ARHGEF7: variants seen among roughly 807,000 people sequenced by gnomAD.
ARHGEF7 encodes the protein PAK-interacting exchange factor beta.
Under a neutral mutation model 109.8 loss-of-function variants are expected in ARHGEF7, and 33 were observed. The observed-to-expected ratio is 0.30, with a 90% CI of 0.23 to 0.40. The LOEUF (loss-of-function observed/expected upper bound fraction) is 0.40. Among genes scored for constraint, ARHGEF7 ranks in the 10% least tolerant of loss-of-function variants. The pLI is 1.00. For missense variants in ARHGEF7, 938 were observed against 1,098.5 expected, an observed-to-expected ratio of 0.85 and a Z score of 2.07; for synonymous variants, 458 against 424.6, an observed-to-expected ratio of 1.08 and a Z score of -0.97.
At chr13:111,199,934 C>T (rs1377391907) in intron 2 of ARHGEF7, among the ~76,000 whole-genome samples, 2 of 152,154 alleles carry the variant, frequency 1.3e-5, no homozygotes, top group Non-Finnish European at 2.9e-5. Flanking sequence ...CATGGGCTCA[C>T]CCCTCTTCCT....
Position 111,205,335 on chromosome 13 carries a change from T to C in ARHGEF7, c.299T>C (p.Val100Ala), listed in dbSNP as rs1425453043. Residue 100 changes from valine to alanine, a missense_variant, in exon 3 of 22, where the codon GTC becomes GCC. By Grantham distance (64) the Val-to-Ala change is moderately conservative. Around this residue, in one of 4 missense-constraint regions of ARHGEF7, gnomAD observed 585 missense variants for 723.6 expected, o/e 0.81. Transcript: ENST00000646102. The stretch of plus-strand genomic sequence containing the variant: ...TATCAGGGGCAGAATTTTAACAAGG[T>C]CCTCAGTTCCTTAGTGACTCTAAAT... ...DLYQGQNFNK[V>A]LSSLVTLNKV... 1 of 1,601,360 alleles carries C rather than the reference T, an allele frequency of 6.2e-7. No homozygotes were observed. Among genetic ancestry groups the C allele is most frequent in the Non-Finnish European group, 8.5e-7 (1 of 1,177,142 alleles).
rs145269232 is a variant in ARHGEF7 at position 111,273,077 on chromosome 13, A to C, written c.1074-737A>C. Among the ~76,000 whole-genome samples the C allele has an allele frequency of 1.3e-5, 2 of 152,192 alleles. No homozygotes were observed. The highest frequency in any genetic ancestry group is 4.8e-5 in the African/African-American group (2 of 41,448). ...CTGACTCTTTAATTTTGGGATATGC[A>C]CTGTTTCTATGTCCATACACAGGGA... On this transcript the variant is annotated intron_variant, in intron 9 of 21. Coordinates refer to ENST00000646102, the MANE Select transcript of ARHGEF7 (RefSeq NM_001354046.2). This position sits in a 1 kb window ranked among gnomAD's most constrained non-coding sequence, Gnocchi z 4.5.
At chr13:111,141,194 G>A (rs1259413308) in intron 1 of ARHGEF7, among the ~76,000 whole-genome samples, 1 of 152,106 alleles carries the variant, frequency 6.6e-6, no homozygotes, top group Non-Finnish European at 1.5e-5. Flanking sequence ...AGGGTTCACT[G>A]TGTGTTGTAT....
At position 111,209,944 on chromosome 13, in the gene ARHGEF7, G is replaced by A; in HGVS notation, c.410G>A (p.Gly137Glu). The change falls in exon 4 of 22, where the codon GGA becomes GAA. Residue 137 changes from glycine (G) to glutamate (E), a missense_variant. Coordinates refer to ENST00000646102, the MANE Select transcript of ARHGEF7 (RefSeq NM_001354046.2). ...SHRIKSFDSL[G>E]SQSLHTRTSK... ...CGCATAAAGTCTTTTGACTCCCTTG[G>A]ATCACAGTCTTTGCACACTCGGACT... 1.2e-6 allele frequency: 2 copies of A among 1,614,180 alleles called. No individual in the cohort carries two copies. Among genetic ancestry groups the A allele is most frequent in the South Asian group, 2.2e-5 (2 of 91,082 alleles).
At chr13:111,282,697 G>A (rs1416141675) in intron 15 of ARHGEF7, 6 of 186,268 alleles carry the variant, frequency 3.2e-5, no homozygotes. Context: ...CCTTAGTTTC[G>A]CCCAGTACTT....
At chr13:111,195,270 A>G (rs1467842599) in intron 2 of ARHGEF7, among the ~76,000 whole-genome samples, 1 of 152,178 alleles carries the variant, frequency 6.6e-6, no homozygotes, top group South Asian at 2.1e-4. Context: ...GGGGACAACA[A>G]ATGGGTAACT....
chr13:111,236,757 A>G (rs2086892499), intron 6 of ARHGEF7, among the ~76,000 whole-genome samples: 1 of 152,088 alleles, frequency 6.6e-6, no homozygotes, highest in Non-Finnish European at 1.5e-5. Context: ...GCTTGAGGCT[A>G]GGAGTTTGAC....
At position 111,255,378 on chromosome 13, in the gene ARHGEF7, C is replaced by T. The variant is rs1439786540; in HGVS notation, c.950+11084C>T. Among the ~76,000 whole-genome samples, 3 of 152,206 alleles carry T rather than the reference C, an allele frequency of 2.0e-5. No individual in the cohort carries two copies. The highest frequency in any genetic ancestry group is 4.4e-5 in the Non-Finnish European group (3 of 68,040). On this transcript the variant is annotated intron_variant, in intron 8 of 21. Coordinates refer to ENST00000646102, the MANE Select transcript of ARHGEF7 (RefSeq NM_001354046.2). This position sits in a 1 kb window ranked among gnomAD's most constrained non-coding sequence, Gnocchi z 4.1. The stretch of plus-strand genomic sequence containing the variant: ...AGGTTAGGTTTGGATTGACAGCTCT[C>T]CTGGTCACCTGCCTCATGTTGCTTG...
At chr13:111,187,116 C>G in intron 2 of ARHGEF7, 2 of 629,794 alleles carry the variant, frequency 3.2e-6, no homozygotes, top group African/African-American at 2.0e-5. Context: ...TTTGTGTGGC[C>G]CTAGTGCTAC....
At chr13:111,158,821 G>A (rs2076537190) in intron 2 of ARHGEF7, among the ~76,000 whole-genome samples, 1 of 152,122 alleles carries the variant, frequency 6.6e-6, no homozygotes, top group Admixed American at 6.5e-5. Flanking sequence ...TGATTAAGTC[G>A]GGAATGAACA....
At chr13:111,162,078 C>CT (rs1223805477) in intron 2 of ARHGEF7, among the ~76,000 whole-genome samples, 6 of 152,208 alleles carry the variant, frequency 3.9e-5, no homozygotes, top group Non-Finnish European at 8.8e-5. Flanking sequence ...CTTTCAAAGG[C>CT]TTTGAACACC....
chr13:111,268,938 T>C (rs2091903653), intron 9 of ARHGEF7, among the ~76,000 whole-genome samples: 1 of 152,256 alleles, frequency 6.6e-6, no homozygotes, highest in African/African-American at 2.4e-5. Context: ...ATTAAGATTT[T>C]TTGAACTTCC....
chr13:111,242,214 C>T (rs1253966989), intron 6 of ARHGEF7, among the ~76,000 whole-genome samples: 1 of 152,150 alleles, frequency 6.6e-6, no homozygotes, highest in Non-Finnish European at 1.5e-5. Context: ...GGAAGAGCCT[C>T]TGTTTTTTTT....
At chr13:111,230,785 A>T (rs911230124) in intron 5 of ARHGEF7, among the ~76,000 whole-genome samples, 2 of 152,266 alleles carry the variant, frequency 1.3e-5, no homozygotes, top group African/African-American at 2.4e-5. Context: ...GACACCTTCC[A>T]TTCAGCAGCC....
intron 2 of ARHGEF7, among the ~76,000 whole-genome samples, chr13:111,156,188 G>A (rs2076316368): frequency 8.0e-6 from 1 of 125,062 alleles, no homozygotes; most frequent in African/African-American, 2.7e-5. Context: ...TTATAATTAA[G>A]AGTTTATTTG....
chr13:111,294,881 C>A (rs531247743), intron 19 of ARHGEF7: 5 of 985,814 alleles, frequency 5.1e-6, no homozygotes, highest in Non-Finnish European at 6.0e-6. Context: ...TTTGAAATAA[C>A]GCTTGCCACA....
chr13:111,292,611 TA>T (rs2093324670), intron 19 of ARHGEF7: 2 of 1,230,796 alleles, frequency 1.6e-6, no homozygotes, highest in Non-Finnish European at 2.0e-6. Flanking sequence ...ATGGTTTTTT[TA>T]TTCTCAGTGT....
rs756539204 is a variant in ARHGEF7, at chr13:111,205,384, T to C, written c.337+11T>C. On this transcript the variant is annotated intron_variant, in intron 3 of 21. Coordinates refer to ENST00000646102, the MANE Select transcript of ARHGEF7 (RefSeq NM_001354046.2). Reference sequence around the variant, plus strand: ...ATAAAGTAACAGCAGGTAAGACTCTTTTTTATTGAACTCGAGGGGGTGGGA... The same window carrying C: ...ATAAAGTAACAGCAGGTAAGACTCTCTTTTATTGAACTCGAGGGGGTGGGA... 13 of 1,572,216 alleles carry C rather than the reference T, an allele frequency of 8.3e-6. No homozygotes were observed. In the Admixed American group the frequency reaches 1.4e-4, roughly 17 times the overall value.
At chr13:111,249,870 G>A (rs984982282) in intron 8 of ARHGEF7, among the ~76,000 whole-genome samples, 5 of 152,084 alleles carry the variant, frequency 3.3e-5, no homozygotes, top group Admixed American at 1.3e-4. Context: ...CTCTCTGTTC[G>A]GCAACAAAAG....
Sources: gnomAD v4.1 joint callset for allele counts (sites outside exome capture counted in the v4.1 genomes callset) on GRCh38, gnomAD v4.1.1 for gene constraint, gnomAD v4.1.1 regional missense constraint, Gnocchi (gnomAD v3.1) non-coding constraint, MANE v1.5 for transcripts, NCBI Gene and HGNC (gene_info 2026-07-23, HGNC 2026-07-21) for gene names.